MPDZ: variants seen among roughly 807,000 people sequenced by gnomAD.
MPDZ encodes multiple PDZ domain protein.
Under a neutral mutation model 239.1 loss-of-function variants are expected in MPDZ, and 234 were observed. That is an observed-to-expected ratio of 0.98 (90% confidence interval 0.88 to 1.09). The LOEUF (loss-of-function observed/expected upper bound fraction) is 1.09, where lower values mean the gene tolerates loss of function less well. Ranked by LOEUF, MPDZ falls within the 50% of genes least tolerant of loss-of-function variation. The probability of loss-of-function intolerance (pLI) is 0.00; values close to 1 mark genes in which losing one functional copy is unlikely to be tolerated. For synonymous variants in MPDZ, 1,048 were observed against 881.3 expected, an observed-to-expected ratio of 1.19 and a Z score of -3.35; for missense variants, 3,175 against 2,510.0, an observed-to-expected ratio of 1.26 and a Z score of -5.66.
rs570933270 is a variant in MPDZ at position 13,150,733 on chromosome 9, G to A, written c.3453-45C>T. ...TTCAACTCTTAGGAAAAATCATAAG[G>A]GTAAAGCTTCATGATGCTGAATTTG... On this transcript the variant is annotated intron_variant, in intron 24 of 46. Transcript: ENST00000319217. 3.2e-6 allele frequency: 4 copies of A among 1,239,436 alleles called. No individual in the cohort carries two copies. The African/African-American group carries it at 4.7e-5, about 15-fold the overall frequency. 76.8% of individuals were successfully genotyped at this position (1,239,436 alleles called of 1,614,324 possible).
chr9:13,259,723 T>C (rs1266127094), intron 1 of MPDZ, among the ~76,000 whole-genome samples: 1 of 152,114 alleles, frequency 6.6e-6, no homozygotes, highest in Non-Finnish European at 1.5e-5. Context: ...TCTTATATAG[T>C]AACCTGGATT....
intron 1 of MPDZ, among the ~76,000 whole-genome samples, chr9:13,250,954 C>T (rs1210117602): frequency 6.6e-6 from 1 of 151,592 alleles, no homozygotes; most frequent in Non-Finnish European, 1.5e-5. Context: ...CATGGTGAAA[C>T]CCCGTCTCTG....
At chr9:13,169,307 G>A (rs906531988) in intron 21 of MPDZ, among the ~76,000 whole-genome samples, 2 of 151,922 alleles carry the variant, frequency 1.3e-5, no homozygotes, top group African/African-American at 4.8e-5. Flanking sequence ...GTATAAAATT[G>A]AACCTGCAAT....
At chr9:13,222,556 C>G (rs1251885613) in intron 5 of MPDZ, 110 bp from the exon 6 acceptor site, 1 of 856,370 alleles carries the variant, frequency 1.2e-6, no homozygotes, top group Non-Finnish European at 1.8e-6. Context: ...TTAATTCCCA[C>G]ACTCTAAGCT....
At chr9:13,218,708 A>AT (rs898777439) in intron 8 of MPDZ, among the ~76,000 whole-genome samples, 4 of 151,868 alleles carry the variant, frequency 2.6e-5, no homozygotes, top group East Asian at 1.9e-4. Flanking sequence ...CAAAACATAG[A>AT]TTTTTTACAT....
Position 13,150,501 on chromosome 9 carries a change from T to C in MPDZ, c.3630+10A>G. ...ACAAATTTTAGCACAGAAAGCTCACTAGAGGGTACCTCTACGATTCTATCT... is the reference window on the plus strand; with the variant it reads ...ACAAATTTTAGCACAGAAAGCTCACCAGAGGGTACCTCTACGATTCTATCT... On this transcript the variant is annotated intron_variant, in intron 25 of 46. Transcript: ENST00000319217. 6.6e-7 allele frequency: 1 copy of C among 1,519,500 alleles called. No homozygotes were observed. Among genetic ancestry groups the C allele is most frequent in the Non-Finnish European group, 8.8e-7 (1 of 1,130,608 alleles). The allele number at this position is 1,519,500 out of a possible 1,614,324, so 94.1% of individuals were successfully genotyped here.
intron 43 of MPDZ, 86 bp downstream of exon 43, chr9:13,111,938 C>G: frequency 7.0e-7 from 1 of 1,431,522 alleles, no homozygotes; most frequent in African/African-American, 1.4e-5. Flanking sequence ...TTAAAACTGC[C>G]TTGCAACAGG....
chr9:13,150,941 T>C (rs1228120823), intron 24 of MPDZ, among the ~76,000 whole-genome samples: 3 of 151,996 alleles, frequency 2.0e-5, no homozygotes, highest in Non-Finnish European at 4.4e-5. Flanking sequence ...ATTCATAAGC[T>C]GAATACAAAG....
intron 46 of MPDZ, 136 bp from the exon 47 acceptor site, chr9:13,107,247 T>TA (rs1941614377): frequency 1.2e-6 from 1 of 863,600 alleles, no homozygotes; most frequent in African/African-American, 1.7e-5. Flanking sequence ...ATGGGTGCTC[T>TA]AAGCCATTAA....
At chr9:13,259,914 A>ACCTCCG (rs1202777666) in intron 1 of MPDZ, among the ~76,000 whole-genome samples, 4 of 151,676 alleles carry the variant, frequency 2.6e-5, no homozygotes, top group African/African-American at 9.7e-5. Flanking sequence ...GCTCACTGCA[A>ACCTCCG]CCTCCGCCTC....
chr9:13,192,892 C>T (rs1955129476), intron 14 of MPDZ, among the ~76,000 whole-genome samples: 1 of 151,908 alleles, frequency 6.6e-6, no homozygotes, highest in African/African-American at 2.4e-5. Context: ...GTTACTTATT[C>T]TAAAAATTAA....
intron 1 of MPDZ, among the ~76,000 whole-genome samples, chr9:13,262,931 A>G (rs1224731178): frequency 6.6e-6 from 1 of 152,216 alleles, no homozygotes; most frequent in Non-Finnish European, 1.5e-5. Context: ...ATGGATTAAA[A>G]GGACACATTC....
intron 1 of MPDZ, among the ~76,000 whole-genome samples, chr9:13,253,590 C>CA (rs1245419476): frequency 1.3e-5 from 2 of 152,294 alleles, no homozygotes; most frequent in African/African-American, 4.8e-5. Context: ...CCCATCTAAA[C>CA]ACCATATGGA....
intron 12 of MPDZ, among the ~76,000 whole-genome samples, chr9:13,203,155 A>C (rs1256809991): frequency 2.0e-5 from 3 of 152,186 alleles, no homozygotes; most frequent in Non-Finnish European, 2.9e-5. Context: ...CAATTATTAT[A>C]GGTCAATTAA....
At chr9:13,162,595 G>T in intron 23 of MPDZ, 96 bp downstream of exon 23, 1 of 586,802 alleles carries the variant, frequency 1.7e-6, no homozygotes, top group Non-Finnish European at 2.8e-6. Flanking sequence ...AAAGGATTCA[G>T]ACCTTTTCTT....
chr9:13,160,691 C>T (rs10733254), intron 23 of MPDZ, among the ~76,000 whole-genome samples: 65,217 of 150,464 alleles, frequency 0.43, 16,849 homozygotes, highest in African/African-American at 0.73. Flanking sequence ...TAAATATAGG[C>T]GTCTCCCCTA....
intron 12 of MPDZ, among the ~76,000 whole-genome samples, chr9:13,201,956 A>G (rs1956436512): frequency 6.6e-6 from 1 of 152,052 alleles, no homozygotes; most frequent in African/African-American, 2.4e-5. Flanking sequence ...TAGATCTTCA[A>G]TTCTTCTGCG....
At chr9:13,118,019 T>C (rs1046534136) in intron 39 of MPDZ, among the ~76,000 whole-genome samples, 2 of 152,048 alleles carry the variant, frequency 1.3e-5, no homozygotes, top group Non-Finnish European at 2.9e-5. Context: ...TAATTTTGTA[T>C]TTTTAGTAGA....
chr9:13,203,210 G>C (rs73408203), intron 12 of MPDZ, among the ~76,000 whole-genome samples: 5,162 of 152,212 alleles, frequency 0.034, 207 homozygotes, highest in African/African-American at 0.091. Flanking sequence ...AGAGAAATAA[G>C]TATGCAAGGA....
Sources: allele counts gnomAD v4.1 joint callset (sites outside exome capture counted in the v4.1 genomes callset), GRCh38; gene constraint gnomAD v4.1.1; transcripts MANE v1.5; gene names NCBI Gene and HGNC (gene_info 2026-07-23, HGNC 2026-07-21).